PGPEP1L: variants seen among roughly 807,000 people sequenced by gnomAD.
PGPEP1L encodes pyroglutamyl-peptidase 1-like protein.
A neutral mutation model predicts 6.0 loss-of-function variants in PGPEP1L; 7 were observed. The ratio of observed to expected loss-of-function variants is 1.17; its 90% confidence interval spans 0.66 to 2.19. The LOEUF is 2.19. PGPEP1L is among the 30% of genes most tolerant of loss of function. The pLI is 0.00. For synonymous variants in PGPEP1L, 103 were observed against 83.9 expected (o/e 1.23, Z -1.24); for missense variants, 209 against 192.5 (o/e 1.09, Z -0.51).
At position 99,005,607 on chromosome 15, in the gene PGPEP1L, T is replaced by A. The variant is rs367612200; in HGVS notation, c.-320A>T. 6.6e-6 allele frequency: 1 copy of A among 152,304 alleles called. No homozygotes were observed. The highest frequency in any genetic ancestry group is 2.1e-4 in the South Asian group (1 of 4,834). 9.4% of individuals were successfully genotyped at this position (152,304 alleles called of 1,614,324 possible). ...CGGGGTGGAGCGGGAGCCCAACCCC[T>A]CCTGGCCGCCCGGCGTCCGTAGCGT... On this transcript the variant is annotated 5_prime_UTR_variant, in exon 2 of 5. Coordinates refer to ENST00000535714, the MANE Select transcript of PGPEP1L (RefSeq NM_001167902.2).
chr15:98,980,969 G>C (rs945727908), intron 2 of PGPEP1L, among the ~76,000 whole-genome samples: 2 of 151,566 alleles, frequency 1.3e-5, no homozygotes, highest in Non-Finnish European at 2.9e-5. Context: ...GTATGGTAGA[G>C]AGGCCTGACA....
chr15:98,999,043 A>G (rs1344229051), intron 2 of PGPEP1L, among the ~76,000 whole-genome samples: 2 of 152,224 alleles, frequency 1.3e-5, no homozygotes, highest in Admixed American at 6.5e-5. Context: ...CTAGGCAAAG[A>G]GTTCTTAGAT....
intron 2 of PGPEP1L, among the ~76,000 whole-genome samples, chr15:98,997,784 C>T (rs207475730): frequency 6.6e-6 from 1 of 152,086 alleles, no homozygotes; most frequent in Non-Finnish European, 1.5e-5. Flanking sequence ...AAATGACTTT[C>T]CCCCGGGCCC....
chr15:98,971,325 C>T (rs2017494039), intron 2 of PGPEP1L, among the ~76,000 whole-genome samples, 167 bp from the exon 3 acceptor site: 1 of 151,984 alleles, frequency 6.6e-6, no homozygotes, highest in Non-Finnish European at 1.5e-5. Context: ...AAGAAGAGAG[C>T]CACAGTTCCT....
intron 2 of PGPEP1L, among the ~76,000 whole-genome samples, chr15:98,991,845 G>C (rs1327679381): frequency 2.0e-5 from 3 of 152,092 alleles, no homozygotes; most frequent in Non-Finnish European, 4.4e-5. Context: ...CAGAACCAAA[G>C]ACAAAAACCA....
intron 2 of PGPEP1L, among the ~76,000 whole-genome samples, chr15:98,992,520 G>T (rs1490031214): frequency 2.6e-5 from 4 of 152,144 alleles, no homozygotes; most frequent in African/African-American, 7.2e-5. Flanking sequence ...TGGCCATACT[G>T]CCCAAAGTAA....
At chr15:98,996,010 A>G (rs2151764478) in intron 2 of PGPEP1L, among the ~76,000 whole-genome samples, 1 of 152,226 alleles carries the variant, frequency 6.6e-6, no homozygotes, top group Non-Finnish European at 1.5e-5. Context: ...TCACCTCAAC[A>G]ACTGTTTTAA....
intron 2 of PGPEP1L, among the ~76,000 whole-genome samples, chr15:98,980,154 T>C (rs1296314819): frequency 6.6e-6 from 1 of 152,122 alleles, no homozygotes; most frequent in Non-Finnish European, 1.5e-5. Flanking sequence ...TGTGACCAAA[T>C]ACCACCTGTT....
chr15:99,001,027 G>A (rs1211566204), intron 2 of PGPEP1L, among the ~76,000 whole-genome samples: 3 of 151,530 alleles, frequency 2.0e-5, no homozygotes, highest in East Asian at 1.9e-4. Flanking sequence ...CTCCAGACAC[G>A]CTGCCTTAAG....
intron 2 of PGPEP1L, among the ~76,000 whole-genome samples, chr15:99,000,640 C>T (rs772152356): frequency 2.0e-5 from 3 of 152,098 alleles, no homozygotes; most frequent in Non-Finnish European, 4.4e-5. Context: ...CTGGTGGGGA[C>T]TTGGAGAACC....
chr15:98,984,202 G>C (rs555835488), intron 2 of PGPEP1L, among the ~76,000 whole-genome samples: 37 of 152,130 alleles, frequency 2.4e-4, no homozygotes, highest in African/African-American at 7.7e-4. Flanking sequence ...AGCAGAGACA[G>C]AGTTTCACCA....
At chr15:98,981,568 A>C (rs1391485382) in intron 2 of PGPEP1L, among the ~76,000 whole-genome samples, 1 of 152,100 alleles carries the variant, frequency 6.6e-6, no homozygotes, top group African/African-American at 2.4e-5. Flanking sequence ...CACAGCCAAG[A>C]CAAGCCTACG....
chr15:98,976,146 G>C (rs2017566585), intron 2 of PGPEP1L, among the ~76,000 whole-genome samples: 1 of 152,128 alleles, frequency 6.6e-6, no homozygotes, highest in African/African-American at 2.4e-5. Flanking sequence ...CGATAGTAAT[G>C]ATAGTTGTAC....
intron 2 of PGPEP1L, among the ~76,000 whole-genome samples, chr15:98,984,221 A>C (rs2017712762): frequency 6.6e-6 from 1 of 152,054 alleles, no homozygotes; most frequent in Non-Finnish European, 1.5e-5. Context: ...CATGTTAGCC[A>C]AGATGGTCTC....
chr15:99,000,665 CTG>C (rs782419208), intron 2 of PGPEP1L, among the ~76,000 whole-genome samples: 5 of 152,138 alleles, frequency 3.3e-5, no homozygotes, highest in Non-Finnish European at 7.4e-5. Flanking sequence ...TATCCACACT[CTG>C]TATCTAACTA....
Position 98,968,568 on chromosome 15 carries a change from G to GA in PGPEP1L, c.338dup (p.Gln114ProfsTer37), listed in dbSNP as rs1256813499. On this transcript the variant is annotated frameshift_variant, in exon 5 of 5. Coordinates refer to ENST00000535714, the MANE Select transcript of PGPEP1L (RefSeq NM_001167902.2). LOFTEE classifies it low-confidence loss of function (END_TRUNC). ...TTCCCACCTCTTCCAGCATTTCCTG[G>GA]ATGATGACTCTCAAGGCTCTTCCCA... The GA allele has an allele frequency of 1.3e-6, 2 of 1,579,884 alleles. No homozygotes were observed. The highest frequency in any genetic ancestry group is 1.7e-6 in the Non-Finnish European group (2 of 1,160,932).
chr15:98,989,796 T>C (rs1000932897), intron 2 of PGPEP1L, among the ~76,000 whole-genome samples: 2 of 152,186 alleles, frequency 1.3e-5, no homozygotes, highest in Admixed American at 6.5e-5. Context: ...GCAGAACCCC[T>C]ACAATCCAGA....
At position 98,968,751 on chromosome 15, in the gene PGPEP1L, GA is replaced by G. The variant is rs1350613590; in HGVS notation, c.210-55del. ...TCTCGGACCAGCCTCTAACCTCAGT[GA>G]AACATACGCAGAAGTGGCAATGCAA... On this transcript the variant is annotated intron_variant, in intron 4 of 4. Transcript: ENST00000535714. 4.7e-6 allele frequency: 7 copies of G among 1,497,950 alleles called. No homozygotes were observed. The African/African-American group carries it at 9.7e-5, about 21-fold the overall frequency. The allele number at this position is 1,497,950 out of a possible 1,614,324, so 92.8% of individuals were successfully genotyped here.
At chr15:98,995,066 C>T (rs2017869179) in intron 2 of PGPEP1L, among the ~76,000 whole-genome samples, 1 of 152,168 alleles carries the variant, frequency 6.6e-6, no homozygotes, top group African/African-American at 2.4e-5. Flanking sequence ...GTGCTCATCT[C>T]TGTGGATTCA....
Sources: allele counts gnomAD v4.1 joint callset (sites outside exome capture counted in the v4.1 genomes callset), GRCh38; gene constraint gnomAD v4.1.1; transcripts MANE v1.5; gene names NCBI Gene and HGNC (gene_info 2026-07-23, HGNC 2026-07-21).